Variants in GSE1 observed in about 807,000 individuals in gnomAD.
GSE1 encodes Gse1 coiled-coil protein.
A neutral mutation model predicts 112.6 loss-of-function variants in GSE1; 32 were observed. The observed-to-expected ratio is 0.28, with a 90% CI of 0.21 to 0.38. The LOEUF (loss-of-function observed/expected upper bound fraction) is 0.38. Ranked by LOEUF, GSE1 falls within the 10% of genes least tolerant of loss-of-function variation. GSE1 has a pLI of 1.00. For synonymous variants in GSE1, 1,115 were observed against 735.6 expected (o/e 1.52, Z -8.35); for missense variants, 2,348 against 1,699.2 (o/e 1.38, Z -6.71).
At chr16:85,393,908 C>G (rs570766391) in intron 2 of GSE1, among the ~76,000 whole-genome samples, 13 of 152,266 alleles carry the variant, frequency 8.5e-5, no homozygotes, top group East Asian at 5.8e-4. Context: ...AGCTTGCGCC[C>G]GGCAGTCCTG....
rs2051718364 is a variant in GSE1 at position 85,510,818 on chromosome 16, C to T, written c.2465-123096C>T. Among the ~76,000 whole-genome samples, 9 of 152,284 alleles carry T rather than the reference C, an allele frequency of 5.9e-5. No individual in the cohort carries two copies. The South Asian group carries it at 1.9e-3, about 32-fold the overall frequency. On this transcript the variant is annotated intron_variant, in intron 2 of 2. Coordinates refer to the GSE1 transcript ENST00000637419. ...TACTCCTGCCTCACAGGCCTCATGG[C>T]TCCAGCCTCAGGGCCTCTGCACCTG... is the stretch of plus-strand genomic sequence containing the variant.
intron 2 of GSE1, chr16:85,359,249 C>T (rs1049313473): frequency 4.3e-5 from 16 of 373,008 alleles, no homozygotes; most frequent in Admixed American, 6.5e-5. Context: ...CCCTGTTTGG[C>T]GATGCGTCCT....
chr16:85,407,945 T>A (rs1191074543), intron 2 of GSE1, among the ~76,000 whole-genome samples: 1 of 50,178 alleles, frequency 2.0e-5, no homozygotes, highest in African/African-American at 7.4e-5. Flanking sequence ...CCCTGGATAA[T>A]CCTCACCGTT....
chr16:85,197,843 C>T (rs1175806228), intron 1 of GSE1, among the ~76,000 whole-genome samples: 3 of 152,174 alleles, frequency 2.0e-5, no homozygotes, highest in East Asian at 1.9e-4. Context: ...AGGGTTTGTC[C>T]GGGTAGCACC....
chr16:85,457,935 G>T (rs1478304275), intron 2 of GSE1, among the ~76,000 whole-genome samples: 1 of 152,220 alleles, frequency 6.6e-6, no homozygotes, highest in African/African-American at 2.4e-5. Context: ...AGCATTGGTG[G>T]TGTGTAATTT....
At chr16:85,500,356 A>C (rs896422274) in intron 2 of GSE1, among the ~76,000 whole-genome samples, 1 of 152,320 alleles carries the variant, frequency 6.6e-6, no homozygotes, top group South Asian at 2.1e-4. Context: ...ATAGGTTTCA[A>C]TCAATTACGT....
chr16:85,555,583 TCCCCGCCA>T, upstream of GSE1: 2 of 590,946 alleles, frequency 3.4e-6, no homozygotes, highest in Non-Finnish European at 4.0e-6. Flanking sequence ...CCTCCTCCTC[TCCCCGCCA>T]CCCCGCCCCT....
intron 1 of GSE1, among the ~76,000 whole-genome samples, chr16:85,334,254 G>T (rs150184937): frequency 1.3e-5 from 2 of 152,148 alleles, no homozygotes; most frequent in African/African-American, 4.8e-5. Flanking sequence ...GAGTGTGGAT[G>T]TGGAGCTGCC....
chr16:85,203,990 C>T (rs952928416), intron 1 of GSE1, among the ~76,000 whole-genome samples: 1 of 152,192 alleles, frequency 6.6e-6, no homozygotes, highest in African/African-American at 2.4e-5. Flanking sequence ...GTCTCAAACT[C>T]CTGGGCTCAA....
intron 2 of GSE1, among the ~76,000 whole-genome samples, chr16:85,474,014 G>A (rs941009802): frequency 6.6e-6 from 1 of 152,134 alleles, no homozygotes; most frequent in Admixed American, 6.5e-5. Flanking sequence ...CAGCACAGGC[G>A]GGCAGGGTGT....
rs570332578 is a variant in GSE1, at chr16:85,303,489, C to CCGCTTGCTGAG, written c.2284-53964_2284-53954dup. 3.9e-5 allele frequency among the ~76,000 whole-genome samples: 6 copies of CCGCTTGCTGAG among 152,384 alleles called. No individual in the cohort carries two copies. In the East Asian group the frequency reaches 1.2e-3, roughly 29 times the overall value. On this transcript the variant is annotated intron_variant, in intron 1 of 2. Transcript: ENST00000637419. ...GGCGCCGCACCCCCGCCGCTGTCCG[C>CCGCTTGCTGAG]CGCTTGCTGAGCGCTTGCTGTGAGC... is the stretch of plus-strand genomic sequence containing the variant.
intron 2 of GSE1, among the ~76,000 whole-genome samples, chr16:85,520,647 T>C (rs1474678512): frequency 1.3e-5 from 2 of 152,062 alleles, no homozygotes; most frequent in African/African-American, 4.8e-5. Flanking sequence ...GGTCTTGAAC[T>C]CCTAACCTCA....
chr16:85,281,522 C>T lies in GSE1; in HGVS notation c.2284-75941C>T, dbSNP rs912549998. ...GAGAAGTTACCTTGCATCGGAGCGC[C>T]GTCTAACCTGCCTCTTAATTAGTTG... is the stretch of plus-strand genomic sequence containing the variant. On this transcript the variant is annotated intron_variant, in intron 1 of 2. Transcript: ENST00000637419. Among the ~76,000 whole-genome samples, 7 of 152,148 alleles carry T rather than the reference C, an allele frequency of 4.6e-5. No homozygotes were observed. In the South Asian group the frequency reaches 1.0e-3, roughly 23 times the overall value.
At chr16:85,612,253 G>C (rs1445320520), upstream of GSE1, among the ~76,000 whole-genome samples, 1 of 151,922 alleles carries the variant, frequency 6.6e-6, no homozygotes, top group Non-Finnish European at 1.5e-5. Flanking sequence ...GGGCGGGGCG[G>C]GGCGGGGCGG....
At chr16:85,626,782 G>A (rs1056108725) in intron 1 of GSE1, among the ~76,000 whole-genome samples, 1 of 152,138 alleles carries the variant, frequency 6.6e-6, no homozygotes, top group Non-Finnish European at 1.5e-5. Flanking sequence ...GCGGGAGGCC[G>A]GGAGGGCGGC....
At chr16:85,387,853 C>T (rs910274759) in intron 2 of GSE1, among the ~76,000 whole-genome samples, 15 of 152,090 alleles carry the variant, frequency 9.9e-5, no homozygotes, top group East Asian at 5.8e-4. Flanking sequence ...TTTGCATGGA[C>T]GGATGATTGG....
chr16:85,441,667 A>G (rs191959209), intron 2 of GSE1, among the ~76,000 whole-genome samples: 324 of 152,270 alleles, frequency 2.1e-3, no homozygotes, highest in African/African-American at 7.4e-3. Flanking sequence ...AACAAAAAAC[A>G]AAACAAAACA....
At chr16:85,299,597 C>G (rs1328936322) in intron 1 of GSE1, among the ~76,000 whole-genome samples, 1 of 152,212 alleles carries the variant, frequency 6.6e-6, no homozygotes. Flanking sequence ...ACTCCGTTCT[C>G]TGCAGAAATT....
At chr16:85,366,821 A>T (rs893911075) in intron 2 of GSE1, among the ~76,000 whole-genome samples, 5 of 152,294 alleles carry the variant, frequency 3.3e-5, no homozygotes, top group Admixed American at 3.3e-4. Context: ...TATAACTGGC[A>T]AAATTGCTGT....
Sources: allele counts gnomAD v4.1 joint callset (sites outside exome capture counted in the v4.1 genomes callset), GRCh38; gene constraint gnomAD v4.1.1; transcripts MANE v1.5; gene names NCBI Gene and HGNC (gene_info 2026-07-23, HGNC 2026-07-21).